CLEC16A: variants seen among roughly 807,000 people sequenced by gnomAD.
CLEC16A encodes the protein protein CLEC16A.
In CLEC16A, 51 loss-of-function variants were observed where a neutral mutation model predicts 109.5. That is an observed-to-expected ratio of 0.47 (90% confidence interval 0.37 to 0.59). The LOEUF is 0.59. CLEC16A is among the 20% of genes least tolerant of loss of function. The probability of loss-of-function intolerance (pLI) is 0.00; values close to 1 mark genes in which losing one functional copy is unlikely to be tolerated. For synonymous variants in CLEC16A, 673 were observed against 564.2 expected, an observed-to-expected ratio of 1.19 and a Z score of -2.73; for missense variants, 1,339 against 1,394.0, an observed-to-expected ratio of 0.96 and a Z score of 0.63.
intron 20 of CLEC16A, among the ~76,000 whole-genome samples, chr16:11,123,159 C>T (rs1220890201): frequency 3.3e-5 from 5 of 152,122 alleles, no homozygotes; most frequent in Non-Finnish European, 5.9e-5. Flanking sequence ...ACTTCGGCCT[C>T]CCAAAGTGCT....
chr16:11,175,137 A>C lies in CLEC16A; in HGVS notation c.2807-3198A>C, dbSNP rs955943041. On this transcript the variant is annotated intron_variant, in intron 23 of 23. Coordinates refer to ENST00000409790, the MANE Select transcript of CLEC16A (RefSeq NM_015226.3). The stretch of plus-strand genomic sequence containing the variant: ...TTCCCAGCCCAGCACAACAAATCCA[A>C]GTTTTTGCTGGAAGTCACCATTTGC... 3.3e-5 allele frequency among the ~76,000 whole-genome samples: 5 copies of C among 152,222 alleles called. No homozygotes were observed. In the South Asian group the frequency reaches 1.0e-3, roughly 32 times the overall value.
chr16:11,016,932 A>T (rs1026886276), intron 11 of CLEC16A, among the ~76,000 whole-genome samples: 2 of 137,950 alleles, frequency 1.4e-5, no homozygotes, highest in Non-Finnish European at 3.0e-5. Context: ...ACTTCAGATC[A>T]GATGGGAGGG....
chr16:11,103,249 T>C (rs548269340), intron 19 of CLEC16A, among the ~76,000 whole-genome samples: 2 of 152,338 alleles, frequency 1.3e-5, no homozygotes, highest in South Asian at 4.1e-4. Context: ...CCACCTCTGC[T>C]TGGCCCATTG....
chr16:10,998,019 A>C (rs879768708), intron 10 of CLEC16A, among the ~76,000 whole-genome samples: 9 of 152,116 alleles, frequency 5.9e-5, no homozygotes, highest in Non-Finnish European at 1.0e-4. Context: ...TCAGGCACCC[A>C]GTCTTTGGTT....
At chr16:10,960,160 A>G (rs1398945251) in intron 2 of CLEC16A, among the ~76,000 whole-genome samples, 1 of 152,258 alleles carries the variant, frequency 6.6e-6, no homozygotes, top group Non-Finnish European at 1.5e-5. Flanking sequence ...GGGCAAAACT[A>G]AGAAACTGAC....
chr16:11,113,583 T>A (rs1008751937), intron 19 of CLEC16A, among the ~76,000 whole-genome samples: 1 of 152,108 alleles, frequency 6.6e-6, no homozygotes, highest in East Asian at 1.9e-4. Flanking sequence ...CACTCGAGCC[T>A]GTGAGGCCGA....
intron 14 of CLEC16A, 195 bp downstream of exon 14, chr16:11,040,071 T>C: frequency 1.7e-6 from 1 of 584,496 alleles, no homozygotes; most frequent in South Asian, 2.9e-5. Context: ...TAGCTCTGGG[T>C]CTCCTTTTGC....
intron 22 of CLEC16A, among the ~76,000 whole-genome samples, chr16:11,129,002 CCTT>C (rs1251213020): frequency 5.3e-5 from 8 of 152,314 alleles, no homozygotes; most frequent in Admixed American, 1.3e-4. Context: ...CCACATCTCT[CCTT>C]CTGATCTTGG....
chr16:11,106,493 A>G (rs1159745748), intron 19 of CLEC16A, among the ~76,000 whole-genome samples: 1 of 126,144 alleles, frequency 7.9e-6, no homozygotes, highest in Non-Finnish European at 1.6e-5. Context: ...GGGTATTGCT[A>G]TGTTTCCCAG....
chr16:10,962,294 G>A (rs1163996816), intron 2 of CLEC16A, among the ~76,000 whole-genome samples, 161 bp from the exon 3 acceptor site: 1 of 152,070 alleles, frequency 6.6e-6, no homozygotes, highest in Non-Finnish European at 1.5e-5. Flanking sequence ...TCCTTTGCTG[G>A]GAATTCCAGT....
intron 10 of CLEC16A, among the ~76,000 whole-genome samples, chr16:10,993,902 T>C (rs1300600381): frequency 2.0e-5 from 3 of 152,128 alleles, no homozygotes; most frequent in African/African-American, 7.2e-5. Flanking sequence ...ACAGAGAAGG[T>C]GACCTGGGAT....
chr16:10,976,284 A>G (rs2043027467), intron 7 of CLEC16A, among the ~76,000 whole-genome samples: 2 of 152,084 alleles, frequency 1.3e-5, no homozygotes, highest in African/African-American at 4.8e-5. Flanking sequence ...AATAATAATA[A>G]ATAAATAAAA....
chr16:11,024,753 A>G, intron 12 of CLEC16A, 68 bp from the exon 13 acceptor site: 1 of 1,215,416 alleles, frequency 8.2e-7, no homozygotes, highest in Non-Finnish European at 1.2e-6. Context: ...CCCCATGTGC[A>G]GGTTAGAGAG....
chr16:11,150,005 T>C (rs991723968), intron 22 of CLEC16A: 1 of 152,218 alleles, frequency 6.6e-6, no homozygotes, highest in East Asian at 1.9e-4. Flanking sequence ...ATATTTTTCC[T>C]AACTCGTATG....
At chr16:11,056,943 C>G (rs2048243428) in intron 18 of CLEC16A, 1 of 152,172 alleles carries the variant, frequency 6.6e-6, no homozygotes, top group Non-Finnish European at 1.5e-5. Context: ...TTTCTTATGG[C>G]CTCATAAAGG....
intron 19 of CLEC16A, among the ~76,000 whole-genome samples, chr16:11,080,872 C>G (rs1444773086): frequency 1.3e-5 from 2 of 152,224 alleles, no homozygotes; most frequent in East Asian, 1.9e-4. Flanking sequence ...TAAGCTCCCC[C>G]AGCTCAGGCT....
intron 10 of CLEC16A, among the ~76,000 whole-genome samples, chr16:10,990,327 A>G (rs1334290517): frequency 3.3e-5 from 5 of 152,226 alleles, no homozygotes; most frequent in Non-Finnish European, 7.3e-5. Context: ...TGATATAATC[A>G]AAATCCAGAG....
intron 19 of CLEC16A, among the ~76,000 whole-genome samples, chr16:11,097,265 G>T (rs1289854984): frequency 6.6e-6 from 1 of 152,182 alleles, no homozygotes; most frequent in Non-Finnish European, 1.5e-5. Flanking sequence ...GTAACCAGGG[G>T]CTGTTTTCCT....
chr16:11,178,630 C>T lies in CLEC16A; in HGVS notation c.3102C>T (p.Cys1034=). The T allele has an allele frequency of 6.3e-7, 1 of 1,593,964 alleles. No individual in the cohort carries two copies. Among genetic ancestry groups the T allele is most frequent in the Non-Finnish European group, 8.5e-7 (1 of 1,173,990 alleles). The change falls in exon 24 of 24, where the codon TGC becomes TGT. Residue 1034 remains cysteine, a synonymous_variant. Transcript: ENST00000409790. This position sits in a 1 kb window ranked among gnomAD's most constrained non-coding sequence, Gnocchi z 6.5. ...CGCTGTCCACGCCGGCTGCCGCCTGCACAGAGCCCGTGGGCGAAGAGGCTG... is the reference window on the plus strand; with the variant it reads ...CGCTGTCCACGCCGGCTGCCGCCTGTACAGAGCCCGTGGGCGAAGAGGCTG... ...MPPLSTPAAA[C]TEPVGEEAAC...
Sources: gnomAD v4.1 joint callset for allele counts (sites outside exome capture counted in the v4.1 genomes callset) on GRCh38, gnomAD v4.1.1 for gene constraint, Gnocchi (gnomAD v3.1) non-coding constraint, MANE v1.5 for transcripts, NCBI Gene and HGNC (gene_info 2026-07-23, HGNC 2026-07-21) for gene names.